Variants in NUBPL observed in about 807,000 individuals in gnomAD.
NUBPL encodes the protein iron-sulfur cluster transfer protein NUBPL.
In NUBPL, 31 loss-of-function variants were observed where a neutral mutation model predicts 45.7. The ratio of observed to expected loss-of-function variants is 0.68; its 90% CI spans 0.51 to 0.92. NUBPL has a LOEUF of 0.92. Ranked by LOEUF, NUBPL falls within the 40% of genes least tolerant of loss-of-function variation. The pLI, the probability that NUBPL is intolerant of heterozygous loss-of-function variation, is 0.00. For synonymous variants in NUBPL, 144 were observed against 140.9 expected (o/e 1.02, Z -0.15); for missense variants, 401 against 398.7 (o/e 1.01, Z -0.05).
intron 4 of NUBPL, among the ~76,000 whole-genome samples, chr14:31,639,521 G>A (rs564439078): frequency 1.1e-4 from 16 of 152,280 alleles, no homozygotes; most frequent in African/African-American, 3.4e-4. Flanking sequence ...TAGGCTGCTC[G>A]GGGGTTAGGG....
At chr14:31,736,318 T>TA (rs1288929192) in intron 6 of NUBPL, among the ~76,000 whole-genome samples, 1 of 152,200 alleles carries the variant, frequency 6.6e-6, no homozygotes, top group Admixed American at 6.5e-5. Flanking sequence ...CACACCTGAA[T>TA]AACTACTCTC....
chr14:31,801,361 G>A (rs1215382119), intron 7 of NUBPL, among the ~76,000 whole-genome samples: 2 of 152,120 alleles, frequency 1.3e-5, no homozygotes, highest in Non-Finnish European at 2.9e-5. Context: ...GGGGCACAGA[G>A]GGAGACTACA....
chr14:31,846,945 G>C (rs571217835), intron 9 of NUBPL, among the ~76,000 whole-genome samples: 119 of 150,922 alleles, frequency 7.9e-4, no homozygotes, highest in South Asian at 2.1e-3. Context: ...GACAGAGTGA[G>C]ACTCCATCAA....
At chr14:31,817,435 C>T (rs575632881) in intron 7 of NUBPL, among the ~76,000 whole-genome samples, 83 of 152,248 alleles carry the variant, frequency 5.5e-4, no homozygotes, top group African/African-American at 1.8e-3. Context: ...AGAGAAAGGT[C>T]GGGTTACCCA....
chr14:31,592,906 A>G (rs1331362554), intron 3 of NUBPL, among the ~76,000 whole-genome samples: 2 of 152,216 alleles, frequency 1.3e-5, no homozygotes, highest in African/African-American at 4.8e-5. Flanking sequence ...TGAACAAAGC[A>G]TGCAAAAATC....
intron 6 of NUBPL, among the ~76,000 whole-genome samples, chr14:31,738,786 T>C (rs1044735116): frequency 1.3e-5 from 2 of 152,166 alleles, no homozygotes; most frequent in Admixed American, 6.5e-5. Flanking sequence ...CTTCTTATAG[T>C]AGTGATTTAT....
intron 4 of NUBPL, among the ~76,000 whole-genome samples, chr14:31,616,356 C>T (rs201096514): frequency 6.6e-6 from 1 of 152,204 alleles, no homozygotes; most frequent in East Asian, 1.9e-4. Context: ...ATGCCTATGT[C>T]CTGAATGGTA....
chr14:31,598,556 T>A (rs2139554305), intron 3 of NUBPL, among the ~76,000 whole-genome samples: 1 of 152,362 alleles, frequency 6.6e-6, no homozygotes, highest in Admixed American at 6.5e-5. Context: ...ATAGCGGATT[T>A]TGTTTTCCTT....
intron 6 of NUBPL, among the ~76,000 whole-genome samples, chr14:31,721,082 G>A (rs1051504789): frequency 2.0e-5 from 3 of 152,106 alleles, no homozygotes; most frequent in Admixed American, 1.3e-4. Context: ...TCAAATTTTG[G>A]GGAGTCGTAT....
At position 31,680,416 on chromosome 14, in the gene NUBPL, GT is replaced by G. The variant is rs1328823746; in HGVS notation, c.513+6847del. Among the ~76,000 whole-genome samples the G allele has an allele frequency of 3.3e-5, 5 of 152,094 alleles. No individual in the cohort carries two copies. In the East Asian group the frequency reaches 9.7e-4, roughly 29 times the overall value. Reference sequence around the variant, plus strand: ...CTTCCTGTTTCCTTGTTTCTTGAAAGTTTTTATTGTTAATCATAAATGTTGA... The same window carrying G: ...CTTCCTGTTTCCTTGTTTCTTGAAAGTTTTATTGTTAATCATAAATGTTGA... On this transcript the variant is annotated intron_variant, in intron 6 of 10. Coordinates refer to ENST00000281081, the MANE Select transcript of NUBPL (RefSeq NM_025152.3).
chr14:31,661,803 G>A (rs896630400), intron 4 of NUBPL, among the ~76,000 whole-genome samples: 1 of 152,164 alleles, frequency 6.6e-6, no homozygotes, highest in Admixed American at 6.5e-5. Flanking sequence ...GCCTCTCAAA[G>A]TGCTGGGATT....
intron 6 of NUBPL, among the ~76,000 whole-genome samples, chr14:31,712,032 G>T (rs189080262): frequency 7.2e-5 from 11 of 152,280 alleles, no homozygotes; most frequent in African/African-American, 2.2e-4. Flanking sequence ...AAGATTTATT[G>T]TGAAGAGCAA....
At chr14:31,610,608 C>CAAAAAAAAAAAAAAAACAAAAA (rs2034728135) in intron 4 of NUBPL, among the ~76,000 whole-genome samples, 1 of 94,708 alleles carries the variant, frequency 1.1e-5, no homozygotes, top group Non-Finnish European at 2.0e-5. Context: ...AAAGATACAT[C>CAAAAAAAAAAAAAAAACAAAAA]AAAAAAAAAA....
chr14:31,835,747 C>G (rs2040271418), intron 8 of NUBPL, among the ~76,000 whole-genome samples: 1 of 152,114 alleles, frequency 6.6e-6, no homozygotes, highest in African/African-American at 2.4e-5. Context: ...AAAGAGAAAA[C>G]AAGAACACCT....
chr14:31,711,809 C>T (rs150746795), intron 6 of NUBPL, among the ~76,000 whole-genome samples: 3 of 151,640 alleles, frequency 2.0e-5, no homozygotes, highest in African/African-American at 2.4e-5. Context: ...TTCATGGTTT[C>T]GCTGGCCTCA....
intron 6 of NUBPL, among the ~76,000 whole-genome samples, chr14:31,727,946 CATTT>C (rs960375335): frequency 2.6e-5 from 4 of 152,020 alleles, no homozygotes; most frequent in Non-Finnish European, 4.4e-5. Flanking sequence ...ATGATGTAGT[CATTT>C]ATAAAATATA....
intron 3 of NUBPL, among the ~76,000 whole-genome samples, chr14:31,595,946 G>C (rs1395389315): frequency 6.9e-6 from 1 of 144,908 alleles, no homozygotes; most frequent in African/African-American, 2.6e-5. Flanking sequence ...TCACTCTGTT[G>C]CCCAGGCTGG....
intron 6 of NUBPL, among the ~76,000 whole-genome samples, chr14:31,717,924 G>C (rs1019089160): frequency 6.6e-6 from 1 of 152,118 alleles, no homozygotes; most frequent in Non-Finnish European, 1.5e-5. Flanking sequence ...TAAGATACTA[G>C]TGGCTAATTG....
chr14:31,591,946 A>G (rs1035919628), intron 3 of NUBPL, among the ~76,000 whole-genome samples: 2 of 152,182 alleles, frequency 1.3e-5, no homozygotes, highest in African/African-American at 4.8e-5. Flanking sequence ...TATGGAGCTT[A>G]TAGTAAATAG....
Sources: allele counts gnomAD v4.1 joint callset (sites outside exome capture counted in the v4.1 genomes callset), GRCh38; gene constraint gnomAD v4.1.1; transcripts MANE v1.5; gene names NCBI Gene and HGNC (gene_info 2026-07-23, HGNC 2026-07-21).